The following TAFA5 variants were observed in gnomAD, a reference collection of about 807,000 sequenced individuals.
TAFA5 encodes the protein chemokine-like protein TAFA-5.
Under a neutral mutation model 15.3 loss-of-function variants are expected in TAFA5, and 6 were observed. The observed-to-expected ratio is 0.39, with a 90% CI of 0.21 to 0.77. The LOEUF (loss-of-function observed/expected upper bound fraction) is 0.77. TAFA5 is among the 30% of genes least tolerant of loss of function. The probability of loss-of-function intolerance (pLI) is 0.41; values close to 1 mark genes in which losing one functional copy is unlikely to be tolerated. For synonymous variants in TAFA5, 103 were observed against 80.7 expected, an observed-to-expected ratio of 1.28 and a Z score of -1.48; for missense variants, 161 against 193.1, an observed-to-expected ratio of 0.83 and a Z score of 0.98.
At chr22:48,610,184 G>A (rs1444605329) in intron 1 of TAFA5, among the ~76,000 whole-genome samples, 9 of 152,102 alleles carry the variant, frequency 5.9e-5, no homozygotes, top group Non-Finnish European at 1.0e-4. Flanking sequence ...AGGCCTTCCC[G>A]TGGCCCCCGA....
At chr22:48,537,383 C>A (rs1360037126) in intron 1 of TAFA5, among the ~76,000 whole-genome samples, 3 of 152,216 alleles carry the variant, frequency 2.0e-5, no homozygotes, top group Non-Finnish European at 4.4e-5. Flanking sequence ...CCCACTCCTC[C>A]ATCCACTCTA....
In TAFA5 at chr22:48,630,757, CCCAGGCT is replaced by C. The variant is rs548150955; in HGVS notation, c.113-15833_113-15827del. Among the ~76,000 whole-genome samples the C allele has an allele frequency of 5.9e-5, 9 of 152,228 alleles. 1 individual carries two copies. In the East Asian group the frequency reaches 1.4e-3, roughly 23 times the overall value. On this transcript the variant is annotated intron_variant, in intron 1 of 3. Coordinates refer to ENST00000402357, the MANE Select transcript of TAFA5 (RefSeq NM_001082967.3). ...GCCCTGAATCACGGGGGCGATGAGC[CCCAGGCT>C]CCAGGCGCTGGGGAAGGAAGCTGGG...
chr22:48,711,797 C>T lies in TAFA5; in HGVS notation c.390+3953C>T, dbSNP rs375818685. ...CCCAGGCCTGATGCAGGCAGCCACCCGCTCCCAGCCTGCCCAGCTGCGCGC... is the reference window on the plus strand; with the variant it reads ...CCCAGGCCTGATGCAGGCAGCCACCTGCTCCCAGCCTGCCCAGCTGCGCGC... On this transcript the variant is annotated intron_variant, in intron 3 of 3. Transcript: ENST00000402357. Among the ~76,000 whole-genome samples, 511 of 152,246 alleles carry T rather than the reference C, an allele frequency of 3.4e-3. 3 individuals are homozygous for T. Among genetic ancestry groups the T allele is most frequent in the African/African-American group, 0.011 (471 of 41,500 alleles).
intron 1 of TAFA5, among the ~76,000 whole-genome samples, chr22:48,579,566 A>G (rs1031916184): frequency 2.7e-4 from 41 of 152,344 alleles, no homozygotes; most frequent in African/African-American, 9.9e-4. Context: ...GGAAGCCAGC[A>G]CTTTATCTCC....
intron 1 of TAFA5, among the ~76,000 whole-genome samples, chr22:48,613,073 C>T (rs2147175186): frequency 6.6e-6 from 1 of 152,318 alleles, no homozygotes; most frequent in African/African-American, 2.4e-5. Flanking sequence ...ACTCTTGGCT[C>T]TGTGGTGCAG....
intron 2 of TAFA5, among the ~76,000 whole-genome samples, chr22:48,661,244 G>C (rs73891345): frequency 0.041 from 6,222 of 152,330 alleles, 204 homozygotes; most frequent in East Asian, 0.14. Context: ...AGAGCGCAGA[G>C]AGGGACATTC....
chr22:48,557,190 A>T (rs1312745602), intron 1 of TAFA5, among the ~76,000 whole-genome samples: 3 of 152,128 alleles, frequency 2.0e-5, no homozygotes, highest in African/African-American at 7.2e-5. Context: ...TCAGAACATG[A>T]CTGTACTTGG....
At chr22:48,525,603 C>T (rs1401813571) in intron 1 of TAFA5, among the ~76,000 whole-genome samples, 3 of 152,310 alleles carry the variant, frequency 2.0e-5, no homozygotes, top group South Asian at 2.1e-4. Context: ...AGCATGCATC[C>T]GAATTCCCTG....
chr22:48,520,334 G>A (rs1921559751), intron 1 of TAFA5, among the ~76,000 whole-genome samples: 1 of 152,222 alleles, frequency 6.6e-6, no homozygotes, highest in Non-Finnish European at 1.5e-5. Flanking sequence ...TACTGACCCC[G>A]GCCCAGGTGA....
At chr22:48,578,097 C>G (rs536819328) in intron 1 of TAFA5, among the ~76,000 whole-genome samples, 1 of 152,208 alleles carries the variant, frequency 6.6e-6, no homozygotes, top group Non-Finnish European at 1.5e-5. Context: ...TGTTTGTGTT[C>G]GCGCTGCAAG....
chr22:48,581,410 A>G (rs1371489901), intron 1 of TAFA5, among the ~76,000 whole-genome samples: 1 of 152,122 alleles, frequency 6.6e-6, no homozygotes, highest in Non-Finnish European at 1.5e-5. Flanking sequence ...CATCTGTGGA[A>G]ACTCATCAGT....
Position 48,613,818 on chromosome 22 carries a change from C to T in TAFA5, c.113-32779C>T, listed in dbSNP as rs1925499300. On this transcript the variant is annotated intron_variant, in intron 1 of 3. Coordinates refer to ENST00000402357, the MANE Select transcript of TAFA5 (RefSeq NM_001082967.3). ...CTCTGTCGCCATAGAATGTGGCCCC[C>T]TCGAGCTCCTGGTGGGTCCTGAACA... Among the ~76,000 whole-genome samples, 8 of 152,326 alleles carry T rather than the reference C, an allele frequency of 5.3e-5. No individual in the cohort carries two copies. The South Asian group carries it at 1.7e-3, about 32-fold the overall frequency.
chr22:48,654,024 G>T (rs541664994), intron 2 of TAFA5, among the ~76,000 whole-genome samples: 1 of 152,012 alleles, frequency 6.6e-6, no homozygotes, highest in South Asian at 2.1e-4. Flanking sequence ...GGAGGGAAGG[G>T]GGTGGTCTCC....
chr22:48,569,387 C>A lies in TAFA5; in HGVS notation c.113-77210C>A, dbSNP rs551128124. 2.0e-5 allele frequency among the ~76,000 whole-genome samples: 3 copies of A among 152,246 alleles called. No individual in the cohort carries two copies. In the South Asian group the frequency reaches 6.2e-4, roughly 32 times the overall value. On this transcript the variant is annotated intron_variant, in intron 1 of 3. Transcript: ENST00000402357. ...ATGTGCTTGGCATCGATTCAATAAA[C>A]CGTGTGTTTGGGGTGTCTCCGGGGG...
At chr22:48,548,734 C>T (rs748679002) in intron 1 of TAFA5, among the ~76,000 whole-genome samples, 9 of 152,386 alleles carry the variant, frequency 5.9e-5, no homozygotes, top group Non-Finnish European at 8.8e-5. Flanking sequence ...GCCACATGGC[C>T]AAGCGCAGCA....
At chr22:48,512,795 C>G (rs1164080290) in intron 1 of TAFA5, among the ~76,000 whole-genome samples, 3 of 151,530 alleles carry the variant, frequency 2.0e-5, no homozygotes, top group Admixed American at 2.0e-4. Context: ...TGGTGGCGAG[C>G]GCCTTTAGTC....
chr22:48,732,552 G>A (rs1271636640), intron 3 of TAFA5, among the ~76,000 whole-genome samples: 1 of 152,202 alleles, frequency 6.6e-6, no homozygotes, highest in Non-Finnish European at 1.5e-5. Flanking sequence ...ACCACGCCTG[G>A]CCAGAAAGTG....
intron 1 of TAFA5, chr22:48,576,666 C>A (rs1923819650): frequency 8.2e-7 from 1 of 1,220,010 alleles, no homozygotes; most frequent in Admixed American, 4.4e-5. Context: ...GTTCCGCTGC[C>A]GCCGCGCTCG....
chr22:48,533,605 C>G (rs1922046229), intron 1 of TAFA5, among the ~76,000 whole-genome samples: 1 of 152,160 alleles, frequency 6.6e-6, no homozygotes, highest in Admixed American at 6.5e-5. Context: ...AGCAGTGAGG[C>G]CCTCGGGAGA....
Sources: gnomAD v4.1 joint callset for allele counts (sites outside exome capture counted in the v4.1 genomes callset) on GRCh38, gnomAD v4.1.1 for gene constraint, MANE v1.5 for transcripts, NCBI Gene and HGNC (gene_info 2026-07-23, HGNC 2026-07-21) for gene names.